Variants in ABCG8 observed in about 807,000 individuals in gnomAD.
ABCG8 encodes the protein ATP-binding cassette sub-family G member 8.
In ABCG8, 81 loss-of-function variants were observed where a neutral mutation model predicts 71.3. The observed-to-expected ratio is 1.14, with a 90% CI of 0.95 to 1.37. The LOEUF (loss-of-function observed/expected upper bound fraction) is 1.37, where lower values mean the gene tolerates loss of function less well. Ranked by LOEUF, ABCG8 falls within the 40% of genes most tolerant of loss-of-function variation. The probability of loss-of-function intolerance (pLI) is 0.00; values close to 1 mark genes in which losing one functional copy is unlikely to be tolerated. For missense variants in ABCG8, 1,119 were observed against 866.2 expected, an observed-to-expected ratio of 1.29 and a Z score of -3.66; for synonymous variants, 451 against 354.7, an observed-to-expected ratio of 1.27 and a Z score of -3.05.
At chr2:43,849,587 C>T (rs1352050444) in intron 3 of ABCG8, among the ~76,000 whole-genome samples, 2 of 152,016 alleles carry the variant, frequency 1.3e-5, no homozygotes, top group Non-Finnish European at 2.9e-5. Flanking sequence ...AGAGAGTCTC[C>T]CCAGATGCCA....
At chr2:43,851,885 C>A in intron 4 of ABCG8, 63 bp downstream of exon 4, 2 of 1,556,266 alleles carry the variant, frequency 1.3e-6, no homozygotes, top group Non-Finnish European at 1.8e-6. Flanking sequence ...ATGCCCCGCT[C>A]CTCCCCTGCT....
At chr2:43,844,748 G>T (rs183578448) in intron 2 of ABCG8, 140 bp downstream of exon 2, 3 of 683,306 alleles carry the variant, frequency 4.4e-6, no homozygotes, top group Admixed American at 4.3e-5. Context: ...GATGCCTCAC[G>T]TGTCAGGTGC....
intron 10 of ABCG8, 90 bp downstream of exon 10, chr2:43,874,573 G>T: frequency 2.9e-6 from 3 of 1,046,286 alleles, no homozygotes; most frequent in Non-Finnish European, 4.5e-6. Flanking sequence ...AGGCTTTTCT[G>T]AACCATGGGG....
intron 6 of ABCG8, among the ~76,000 whole-genome samples, chr2:43,855,576 A>G (rs115300411): frequency 0.054 from 8,211 of 152,274 alleles, 273 homozygotes; most frequent in Middle Eastern, 0.11. Flanking sequence ...CCCTCCAGAG[A>G]GAACTCTCAC....
intron 1 of ABCG8, 132 bp downstream of exon 1, chr2:43,839,248 G>A: frequency 9.9e-7 from 1 of 1,012,794 alleles, no homozygotes; most frequent in South Asian, 1.5e-5. Context: ...ATGGCCGCAG[G>A]ACTGTTTCCT....
chr2:43,870,643 A>C (rs1669732301), intron 6 of ABCG8, among the ~76,000 whole-genome samples: 1 of 152,044 alleles, frequency 6.6e-6, no homozygotes, highest in South Asian at 2.1e-4. Context: ...CTGTGTGGAT[A>C]GAATTCTCAC....
At chr2:43,841,398 G>A (rs565045433) in intron 1 of ABCG8, among the ~76,000 whole-genome samples, 2 of 152,168 alleles carry the variant, frequency 1.3e-5, no homozygotes, top group Admixed American at 6.5e-5. Flanking sequence ...TCTGACAGTC[G>A]TACTGATTAA....
intron 6 of ABCG8, among the ~76,000 whole-genome samples, chr2:43,853,807 C>T (rs530480506): frequency 1.3e-5 from 2 of 152,324 alleles, no homozygotes; most frequent in East Asian, 3.9e-4. Flanking sequence ...GACTGGTGCC[C>T]AGCCCTGGCT....
intron 6 of ABCG8, among the ~76,000 whole-genome samples, chr2:43,861,064 C>A (rs116234063): frequency 1.3e-5 from 2 of 151,092 alleles, no homozygotes; most frequent in African/African-American, 4.8e-5. Context: ...CTGGATAGAA[C>A]CCTCACTATC....
chr2:43,839,154 G>A (rs764268954), intron 1 of ABCG8, 38 bp downstream of exon 1: 55 of 1,548,492 alleles, frequency 3.6e-5, no homozygotes, highest in Non-Finnish European at 4.4e-5. Context: ...GGCCTGGTGG[G>A]CGGGTAGGAG....
chr2:43,860,751 C>A (rs1014783040), intron 6 of ABCG8, among the ~76,000 whole-genome samples: 1 of 151,302 alleles, frequency 6.6e-6, no homozygotes, highest in African/African-American at 2.4e-5. Flanking sequence ...AGAATTCTTA[C>A]TCTCTGGATA....
At chr2:43,852,508 G>C in intron 5 of ABCG8, 22 bp downstream of exon 5, 1 of 1,613,658 alleles carries the variant, frequency 6.2e-7, no homozygotes, top group Non-Finnish European at 8.5e-7. Flanking sequence ...GGGGGCAGAT[G>C]GGGGCAGAGG....
In ABCG8 at chr2:43,852,496, T is replaced by TG; in HGVS notation, c.694+16dup. 2 of 1,613,356 alleles carry TG rather than the reference T, an allele frequency of 1.2e-6. No homozygotes were observed. Among genetic ancestry groups the TG allele is most frequent in the Non-Finnish European group, 8.5e-7 (1 of 1,179,752 alleles). ...CTCCTGTGGAACCCAGGTGAGGGCC[T>TG]GGGGGGCAGATGGGGGCAGAGGGAC... On this transcript the variant is annotated intron_variant, in intron 5 of 12. Transcript: ENST00000272286.
At chr2:43,870,763 G>A (rs1325618398) in intron 6 of ABCG8, among the ~76,000 whole-genome samples, 1 of 149,232 alleles carries the variant, frequency 6.7e-6, no homozygotes, top group Non-Finnish European at 1.5e-5. Flanking sequence ...CTCATTTTCT[G>A]TCTGGATAGA....
rs1401575973 is a variant in ABCG8 at position 43,881,142 on chromosome 2, G to A, written c.*3229G>A. The A allele has an allele frequency of 2.0e-5, 3 of 152,294 alleles. No individual in the cohort carries two copies. The highest frequency in any genetic ancestry group is 7.2e-5 in the African/African-American group (3 of 41,470). 9.4% of individuals were successfully genotyped at this position (152,294 alleles called of 1,614,324 possible). A position where few individuals can be genotyped will look rare whatever the true frequency, so the allele number is the denominator to read the frequency against. On this transcript the variant is annotated 3_prime_UTR_variant, in exon 13 of 13. Transcript: ENST00000272286. ...TAAGATACATCACCTGACTTTGTGA[G>A]TTCACCATTCGGTCTGCAATGGGTT...
intron 11 of ABCG8, among the ~76,000 whole-genome samples, chr2:43,875,696 G>C (rs1285098742): frequency 6.6e-6 from 1 of 152,150 alleles, no homozygotes; most frequent in Non-Finnish European, 1.5e-5. Flanking sequence ...TCTGCCTCCT[G>C]TTTCTCTGAA....
Position 43,853,171 on chromosome 2 carries a change from C to T in ABCG8, c.964+303C>T, listed in dbSNP as rs72796748. ...GGTGGGGATCAATAAATATCAGAGT[C>T]TTTATTCAGACTCAGTAGGGAAACA... On this transcript the variant is annotated intron_variant, in intron 6 of 12. Transcript: ENST00000272286. 0.051 allele frequency among the ~76,000 whole-genome samples: 7,700 copies of T among 152,142 alleles called. 241 individuals carry two copies. The highest frequency in any genetic ancestry group is 0.099 in the Middle Eastern group (29 of 294).
intron 6 of ABCG8, among the ~76,000 whole-genome samples, 190 bp downstream of exon 6, chr2:43,853,058 A>G: frequency 6.6e-6 from 1 of 152,190 alleles, no homozygotes; most frequent in Non-Finnish European, 1.5e-5. Flanking sequence ...GCCTGGAAAT[A>G]GAAGCTTCTG....
rs568732429 is a variant in ABCG8, at chr2:43,877,807, C to T, written c.1916C>T (p.Pro639Leu). The change falls in exon 13 of 13, where the codon CCT (proline) becomes CTT (leucine). Residue 639 changes from proline to leucine, a missense_variant. Coordinates refer to ENST00000272286, the MANE Select transcript of ABCG8 (RefSeq NM_022437.3). ...ILSVMELDSY[P>L]LYAIYLIVIG... ...AGTGTCATGGAGCTGGACTCGTACCCTCTCTACGCCATCTACCTCATCGTC... is the reference window on the plus strand; with the variant it reads ...AGTGTCATGGAGCTGGACTCGTACCTTCTCTACGCCATCTACCTCATCGTC... 6.2e-7 allele frequency: 1 copy of T among 1,614,170 alleles called. No homozygotes were observed. Among genetic ancestry groups the T allele is most frequent in the Non-Finnish European group, 8.5e-7 (1 of 1,180,016 alleles).
Sources: allele counts gnomAD v4.1 joint callset (sites outside exome capture counted in the v4.1 genomes callset), GRCh38; gene constraint gnomAD v4.1.1; transcripts MANE v1.5; gene names NCBI Gene and HGNC (gene_info 2026-07-23, HGNC 2026-07-21).